Variants in AGPS observed in about 807,000 individuals in gnomAD.
AGPS encodes alkyldihydroxyacetonephosphate synthase, peroxisomal.
A neutral mutation model predicts 90.7 loss-of-function variants in AGPS; 26 were observed. The observed-to-expected ratio is 0.29, with a 90% CI of 0.21 to 0.40. The LOEUF (loss-of-function observed/expected upper bound fraction) is 0.40. Among genes scored for constraint, AGPS ranks in the 10% least tolerant of loss-of-function variants. The pLI is 1.00. For missense variants in AGPS, 540 were observed against 816.1 expected, an observed-to-expected ratio of 0.66 and a Z score of 4.12; for synonymous variants, 294 against 285.3, an observed-to-expected ratio of 1.03 and a Z score of -0.31.
chr2:177,403,576 A>G (rs1685387105), intron 1 of AGPS, among the ~76,000 whole-genome samples: 1 of 152,220 alleles, frequency 6.6e-6, no homozygotes, highest in African/African-American at 2.4e-5. Flanking sequence ...AGGGAAAATA[A>G]TTTTGGCATT....
intron 10 of AGPS, among the ~76,000 whole-genome samples, chr2:177,480,973 C>A (rs1324801335): frequency 6.6e-6 from 1 of 151,906 alleles, no homozygotes; most frequent in Non-Finnish European, 1.5e-5. Flanking sequence ...TATTTTATAA[C>A]CTCAGTAGGA....
In AGPS at chr2:177,420,562, A is replaced by G. The variant is rs764640655; in HGVS notation, c.350+204A>G. Among the ~76,000 whole-genome samples, 116 of 151,638 alleles carry G rather than the reference A, an allele frequency of 7.6e-4. 3 individuals carry two copies. The highest frequency in any genetic ancestry group is 2.7e-4 in the Non-Finnish European group (18 of 67,684). On this transcript the variant is annotated intron_variant, in intron 2 of 19. Transcript: ENST00000264167. ...TAAATATATGTATTTGTGTGTGTGTATATATATATTATATGTCTTAAAAAA... is the reference window on the plus strand; with the variant it reads ...TAAATATATGTATTTGTGTGTGTGTGTATATATATTATATGTCTTAAAAAA...
intron 11 of AGPS, among the ~76,000 whole-genome samples, chr2:177,489,577 C>T (rs1361366171): frequency 2.0e-5 from 3 of 152,032 alleles, no homozygotes; most frequent in Non-Finnish European, 4.4e-5. Context: ...GTCTTGTATC[C>T]ATGTTGTGAA....
At chr2:177,489,070 A>G (rs928725250) in intron 11 of AGPS, among the ~76,000 whole-genome samples, 7 of 149,072 alleles carry the variant, frequency 4.7e-5, no homozygotes, top group Admixed American at 2.1e-4. Context: ...CCAGTTTTGC[A>G]GAATATTTTG....
chr2:177,429,837 A>G (rs779762283), intron 2 of AGPS, among the ~76,000 whole-genome samples: 2 of 152,162 alleles, frequency 1.3e-5, no homozygotes, highest in Admixed American at 1.3e-4. Flanking sequence ...CATGTTGGGG[A>G]TAACCCTTTC....
chr2:177,468,687 A>C (rs1459478966), intron 10 of AGPS, among the ~76,000 whole-genome samples, 163 bp downstream of exon 10: 2 of 152,036 alleles, frequency 1.3e-5, no homozygotes, highest in African/African-American at 2.4e-5. Flanking sequence ...TATTATGAGA[A>C]CATCTGATTA....
rs759155247 is a variant in AGPS, at chr2:177,538,152, A to T, written c.1934A>T (p.Tyr645Phe). The T allele has an allele frequency of 6.2e-7, 1 of 1,613,032 alleles. No individual in the cohort carries two copies. The highest frequency in any genetic ancestry group is 8.5e-7 in the Non-Finnish European group (1 of 1,179,190). Residue 645 changes from tyrosine (Y) to phenylalanine (F), a missense_variant, in exon 20 of 20, where the codon TAT becomes TTT. Transcript: ENST00000264167. ...GGGATGCTGAAGTCTGTCAAGGAAT[A>T]TGTGGACCCCAATAACATCTTTGGA... ...GFGMLKSVKE[Y>F]VDPNNIFGNR...
chr2:177,482,502 G>C (rs1215724143), intron 11 of AGPS, among the ~76,000 whole-genome samples: 1 of 151,884 alleles, frequency 6.6e-6, no homozygotes, highest in Non-Finnish European at 1.5e-5. Flanking sequence ...TTTATTGACT[G>C]TTATGTGTCT....
intron 11 of AGPS, among the ~76,000 whole-genome samples, chr2:177,487,675 A>G (rs1265280371): frequency 2.6e-5 from 4 of 152,160 alleles, no homozygotes; most frequent in Non-Finnish European, 4.4e-5. Flanking sequence ...AGAAACTGAA[A>G]TTATTTTAAA....
chr2:177,436,375 C>A (rs1399747831), intron 3 of AGPS, among the ~76,000 whole-genome samples: 2 of 152,050 alleles, frequency 1.3e-5, no homozygotes, highest in East Asian at 3.9e-4. Flanking sequence ...TGGTCTCAAT[C>A]TCCTGACCTC....
At chr2:177,473,257 G>C (rs1202121659) in intron 10 of AGPS, among the ~76,000 whole-genome samples, 1 of 152,130 alleles carries the variant, frequency 6.6e-6, no homozygotes, top group Non-Finnish European at 1.5e-5. Context: ...TTGGGGAGTT[G>C]AAGAAAATAG....
chr2:177,483,483 A>G (rs1260307858), intron 11 of AGPS, among the ~76,000 whole-genome samples: 1 of 152,188 alleles, frequency 6.6e-6, no homozygotes, highest in African/African-American at 2.4e-5. Context: ...TAGACTTAGT[A>G]TAGGTCCTTT....
chr2:177,526,288 G>C (rs1574033838), intron 19 of AGPS, among the ~76,000 whole-genome samples: 1 of 146,790 alleles, frequency 6.8e-6, no homozygotes, highest in Non-Finnish European at 1.5e-5. Context: ...GGAGTGCAGC[G>C]GTGCGATCTC....
intron 11 of AGPS, among the ~76,000 whole-genome samples, chr2:177,488,538 G>T (rs1374980498): frequency 2.0e-5 from 3 of 152,134 alleles, no homozygotes. Context: ...TTGAGGTAGT[G>T]TGCTCTTAGC....
rs549136045 is a variant in AGPS, at chr2:177,455,046, G to C, written c.871-6847G>C. Reference sequence around the variant, plus strand: ...GTTGTTAGTATTAGTGTATTTTATGGGTGGCCCAAGACAATTCTTCTTCTT... The same window carrying C: ...GTTGTTAGTATTAGTGTATTTTATGCGTGGCCCAAGACAATTCTTCTTCTT... On this transcript the variant is annotated intron_variant, in intron 8 of 19. Coordinates refer to ENST00000264167, the MANE Select transcript of AGPS (RefSeq NM_003659.4). Among the ~76,000 whole-genome samples, 6 of 152,018 alleles carry C rather than the reference G, an allele frequency of 3.9e-5. No homozygotes were observed. In the South Asian group the frequency reaches 1.2e-3, roughly 32 times the overall value.
rs376926693 is a variant in AGPS, at chr2:177,419,714, G to A, written c.261-555G>A. Reference sequence around the variant, plus strand: ...GTATGGCCATTAACTGTTACAATATGTAGGTCAAGGTAGAGATTGGTAGCT... The same window carrying A: ...GTATGGCCATTAACTGTTACAATATATAGGTCAAGGTAGAGATTGGTAGCT... On this transcript the variant is annotated intron_variant, in intron 1 of 19. Coordinates refer to ENST00000264167, the MANE Select transcript of AGPS (RefSeq NM_003659.4). Among the ~76,000 whole-genome samples, 3 of 151,970 alleles carry A rather than the reference G, an allele frequency of 2.0e-5. No individual in the cohort carries two copies. In the East Asian group the frequency reaches 5.8e-4, roughly 29 times the overall value.
Position 177,499,657 on chromosome 2 carries a change from T to C in AGPS, c.1402T>C (p.Leu468=). Residue 468 remains leucine, a synonymous_variant, in exon 14 of 20, where the codon TTA becomes CTA. Coordinates refer to ENST00000264167, the MANE Select transcript of AGPS (RefSeq NM_003659.4). ...CCCAAATCAGCTAAGTGTAGCCACA[T>C]TACTGTTTGAGGGGGATCGTGAGAA... ...FDPNQLSVAT[L]LFEGDREKVL... 6.2e-7 allele frequency: 1 copy of C among 1,612,050 alleles called. No homozygotes were observed. Among genetic ancestry groups the C allele is most frequent in the Non-Finnish European group, 8.5e-7 (1 of 1,178,716 alleles).
chr2:177,421,555 A>G (rs1458157544), intron 2 of AGPS, among the ~76,000 whole-genome samples: 2 of 151,936 alleles, frequency 1.3e-5, no homozygotes, highest in Non-Finnish European at 2.9e-5. Flanking sequence ...TTTTTTTTTA[A>G]TTAGGAAAAT....
At position 177,398,953 on chromosome 2, in the gene AGPS, G is replaced by A. The variant is rs962844310; in HGVS notation, c.260+5904G>A. On this transcript the variant is annotated intron_variant, in intron 1 of 19. Transcript: ENST00000264167. ...ACTGCCTAGTTGCAAACTGTCTTTGGACTGTGAATGAACAGGAAACTGAAG... is the reference window on the plus strand; with the variant it reads ...ACTGCCTAGTTGCAAACTGTCTTTGAACTGTGAATGAACAGGAAACTGAAG... 6.0e-4 allele frequency among the ~76,000 whole-genome samples: 91 copies of A among 152,306 alleles called. No individual in the cohort carries two copies. In the Middle Eastern group the frequency reaches 0.01, roughly 17 times the overall value.
Sources: gnomAD v4.1 joint callset for allele counts (sites outside exome capture counted in the v4.1 genomes callset) on GRCh38, gnomAD v4.1.1 for gene constraint, MANE v1.5 for transcripts, NCBI Gene and HGNC (gene_info 2026-07-23, HGNC 2026-07-21) for gene names.